The following MAP4K4 variants were observed in gnomAD, a reference collection of about 807,000 sequenced individuals.
MAP4K4 encodes HPK/GCK-like kinase HGK.
MAP4K4 carries 38 observed loss-of-function variants against 189.6 expected under a neutral mutation model. The ratio of observed to expected loss-of-function variants is 0.20; its 90% CI spans 0.15 to 0.26. The LOEUF is 0.26. Among genes scored for constraint, MAP4K4 ranks in the 10% least tolerant of loss-of-function variants. The pLI, the probability that MAP4K4 is intolerant of heterozygous loss-of-function variation, is 1.00. For synonymous variants in MAP4K4, 610 were observed against 624.3 expected (o/e 0.98, Z 0.34); for missense variants, 1,054 against 1,726.9 (o/e 0.61, Z 6.91).
intron 2 of MAP4K4, among the ~76,000 whole-genome samples, chr2:101,777,596 G>A (rs772480637): frequency 6.6e-6 from 1 of 152,168 alleles, no homozygotes. Context: ...CAGTGTAAAT[G>A]CAACCTCCCC....
chr2:101,888,446 C>T (rs1165635866), intron 31 of MAP4K4, among the ~76,000 whole-genome samples: 1 of 152,100 alleles, frequency 6.6e-6, no homozygotes, highest in African/African-American at 2.4e-5. Context: ...GTAATTAGGT[C>T]ACTGTCTCTG....
At position 101,803,317 on chromosome 2, in the gene MAP4K4, G is replaced by GTGTGCACAGGCCATGAAACTATTTGA. The variant is rs1248219060; in HGVS notation, c.180+12544_180+12569dup. 4.6e-5 allele frequency among the ~76,000 whole-genome samples: 7 copies of GTGTGCACAGGCCATGAAACTATTTGA among 151,212 alleles called. No individual in the cohort carries two copies. The East Asian group carries it at 9.6e-4, about 21-fold the overall frequency. On this transcript the variant is annotated intron_variant, in intron 3 of 32. Transcript: ENST00000324219. ...TGTCTGTCTGTGTCTGTGTCTGTCT[G>GTGTGCACAGGCCATGAAACTATTTGA]TGTGCACAGGCCATGAAACTATTTG... is the stretch of plus-strand genomic sequence containing the variant.
At chr2:101,705,615 T>A (rs56326399) in intron 2 of MAP4K4, among the ~76,000 whole-genome samples, 36,915 of 152,216 alleles carry the variant, frequency 0.24, 5,455 homozygotes, top group Non-Finnish European at 0.31. Flanking sequence ...GTCAAATTGC[T>A]GTAAAAGTTT....
chr2:101,805,472 G>T lies in MAP4K4; in HGVS notation c.180+14696G>T, dbSNP rs531148939. 7.9e-5 allele frequency among the ~76,000 whole-genome samples: 12 copies of T among 152,254 alleles called. No homozygotes were observed. In the South Asian group the frequency reaches 2.5e-3, roughly 32 times the overall value. On this transcript the variant is annotated intron_variant, in intron 3 of 32. Transcript: ENST00000324219. ...ATTCTCATTGCTTTTAGTATTCTGTGGTGTCCCACTAACATCCAAGTGAAT... is the reference window on the plus strand; with the variant it reads ...ATTCTCATTGCTTTTAGTATTCTGTTGTGTCCCACTAACATCCAAGTGAAT...
At chr2:101,866,319 C>G (rs1175388851) in intron 18 of MAP4K4, 109 bp from the exon 19 acceptor site, 2 of 950,216 alleles carry the variant, frequency 2.1e-6, no homozygotes, top group Admixed American at 5.7e-5. Flanking sequence ...TGTTTTTTGT[C>G]TCCCTACACT....
chr2:101,869,493 C>G (rs938685265), intron 21 of MAP4K4, 129 bp from the exon 22 acceptor site: 2 of 665,000 alleles, frequency 3.0e-6, no homozygotes, highest in East Asian at 5.7e-5. Context: ...CTCACTTTCT[C>G]ATGAAACTGG....
chr2:101,804,901 C>G (rs2094763239), intron 3 of MAP4K4, among the ~76,000 whole-genome samples: 1 of 151,786 alleles, frequency 6.6e-6, no homozygotes, highest in Admixed American at 6.6e-5. Flanking sequence ...TGTTGAAAAC[C>G]TGTCTCTACT....
intron 2 of MAP4K4, among the ~76,000 whole-genome samples, chr2:101,704,579 T>A (rs1371433274): frequency 3.5e-5 from 4 of 115,080 alleles, no homozygotes; most frequent in South Asian, 3.1e-4. Context: ...TTTTTTTTTT[T>A]TTTTTTTTTT....
chr2:101,737,777 A>G (rs1247728637), intron 2 of MAP4K4, among the ~76,000 whole-genome samples: 1 of 151,954 alleles, frequency 6.6e-6, no homozygotes, highest in Non-Finnish European at 1.5e-5. Flanking sequence ...GTTACTCATT[A>G]TCATTCAGGG....
intron 2 of MAP4K4, among the ~76,000 whole-genome samples, chr2:101,717,478 A>G (rs1473998571): frequency 2.0e-5 from 3 of 152,228 alleles, no homozygotes; most frequent in Non-Finnish European, 2.9e-5. Context: ...TAAGGCTCTC[A>G]TATAATAACT....
intron 2 of MAP4K4, among the ~76,000 whole-genome samples, chr2:101,763,390 A>T (rs912173764): frequency 1.3e-5 from 2 of 152,204 alleles, no homozygotes. Flanking sequence ...ACAAGTCGTG[A>T]CCAGGTCAGA....
At chr2:101,877,988 A>G (rs2098263752) in intron 27 of MAP4K4, among the ~76,000 whole-genome samples, 1 of 152,104 alleles carries the variant, frequency 6.6e-6, no homozygotes, top group Non-Finnish European at 1.5e-5. Context: ...TGACCTCATG[A>G]TCCACCCACC....
chr2:101,797,286 G>C (rs771604508), intron 3 of MAP4K4: 93 of 1,290,658 alleles, frequency 7.2e-5, no homozygotes, highest in Non-Finnish European at 8.4e-5. Flanking sequence ...TTACAGCTTC[G>C]TACTGGCTTC....
At chr2:101,852,581 A>G (rs1036235100) in intron 12 of MAP4K4, among the ~76,000 whole-genome samples, 2 of 152,208 alleles carry the variant, frequency 1.3e-5, no homozygotes, top group Non-Finnish European at 2.9e-5. Flanking sequence ...AACTTTTTAT[A>G]TAGCGTATCC....
intron 2 of MAP4K4, among the ~76,000 whole-genome samples, chr2:101,712,926 A>G (rs1298397959): frequency 6.9e-6 from 1 of 145,388 alleles, no homozygotes; most frequent in African/African-American, 2.6e-5. Flanking sequence ...TTTTTGAGAC[A>G]GAGTCTCACT....
At chr2:101,864,949 C>A (rs868040944) in exon 18 of MAP4K4, 1 of 1,574,508 alleles carries the variant, frequency 6.4e-7, no homozygotes. Flanking sequence ...AGAACAACAT[C>A]TCGCTCCCCT....
chr2:101,753,493 A>C (rs1306000004), intron 2 of MAP4K4, among the ~76,000 whole-genome samples: 1 of 152,192 alleles, frequency 6.6e-6, no homozygotes, highest in African/African-American at 2.4e-5. Flanking sequence ...GTAGATATCC[A>C]TCTTTTTTTG....
At chr2:101,733,345 A>T (rs780846846) in intron 2 of MAP4K4, among the ~76,000 whole-genome samples, 23 of 152,228 alleles carry the variant, frequency 1.5e-4, no homozygotes, top group Admixed American at 2.6e-4. Context: ...AGGCTGTTAC[A>T]GCTGACCTTG....
exon 1 of MAP4K4, chr2:101,698,053 A>T: frequency 1.5e-6 from 2 of 1,313,580 alleles, no homozygotes; most frequent in Non-Finnish European, 2.0e-6. Context: ...ATTTATTGTT[A>T]TTTGTTTTTT....
Sources: gnomAD v4.1 joint callset for allele counts (sites outside exome capture counted in the v4.1 genomes callset) on GRCh38, gnomAD v4.1.1 for gene constraint, MANE v1.5 for transcripts, NCBI Gene and HGNC (gene_info 2026-07-23, HGNC 2026-07-21) for gene names.